PBX1: variants seen among roughly 807,000 people sequenced by gnomAD.
PBX1 encodes PBX homeobox 1.
PBX1 carries 6 observed loss-of-function variants against 53.4 expected under a neutral mutation model. That is an observed-to-expected ratio of 0.11 (90% CI 0.06 to 0.22). PBX1 has a LOEUF of 0.22. Ranked by LOEUF, PBX1 falls within the 10% of genes least tolerant of loss-of-function variation. The probability of loss-of-function intolerance (pLI) is 1.00; values close to 1 mark genes in which losing one functional copy is unlikely to be tolerated. For synonymous variants in PBX1, 204 were observed against 212.3 expected (o/e 0.96, Z 0.34); for missense variants, 251 against 551.4 (o/e 0.46, Z 5.46).
intron 2 of PBX1, among the ~76,000 whole-genome samples, chr1:164,724,740 G>A (rs1289689842): frequency 8.3e-6 from 1 of 120,498 alleles, no homozygotes; most frequent in Non-Finnish European, 1.6e-5. Flanking sequence ...CAAAATGAGG[G>A]GAAAGCAACT....
intron 2 of PBX1, among the ~76,000 whole-genome samples, chr1:164,721,010 A>T (rs1206775532): frequency 1.3e-5 from 2 of 152,176 alleles, no homozygotes; most frequent in Non-Finnish European, 2.9e-5. Flanking sequence ...GCATGTCAGG[A>T]TATCTTTGGT....
In PBX1 at chr1:164,851,606, C is replaced by T. The variant is rs896947437; in HGVS notation, c.*4930C>T. On this transcript the variant is annotated 3_prime_UTR_variant, in exon 9 of 9. Coordinates refer to ENST00000420696, the MANE Select transcript of PBX1 (RefSeq NM_002585.4). ...GTTTTATTCTCCCCCTACCCCTCCCCTTTTCTTATTATTCAGAATATAAAC... is the reference window on the plus strand; with the variant it reads ...GTTTTATTCTCCCCCTACCCCTCCCTTTTTCTTATTATTCAGAATATAAAC... 1.8e-4 allele frequency: 34 copies of T among 186,898 alleles called. No homozygotes were observed. The highest frequency in any genetic ancestry group is 3.5e-4 in the Non-Finnish European group (31 of 88,520). 11.6% of individuals were successfully genotyped at this position (186,898 alleles called of 1,614,324 possible).
intron 2 of PBX1, among the ~76,000 whole-genome samples, chr1:164,760,874 T>G (rs1036627269): frequency 6.6e-6 from 1 of 152,218 alleles, no homozygotes; most frequent in African/African-American, 2.4e-5. Context: ...ACCTCGGACA[T>G]TTCCCAATTA....
intron 5 of PBX1, among the ~76,000 whole-genome samples, chr1:164,809,925 C>T (rs1349111512): frequency 6.6e-6 from 1 of 152,220 alleles, no homozygotes; most frequent in African/African-American, 2.4e-5. Context: ...CACCCTAATT[C>T]TGAATCAGAA....
At chr1:164,833,614 T>C (rs1670876945) in intron 8 of PBX1, among the ~76,000 whole-genome samples, 1 of 152,198 alleles carries the variant, frequency 6.6e-6, no homozygotes, top group Non-Finnish European at 1.5e-5. Flanking sequence ...CACTTATCTT[T>C]CATTCCTCTC....
chr1:164,758,666 T>C (rs1284289957), intron 2 of PBX1, among the ~76,000 whole-genome samples: 3 of 151,980 alleles, frequency 2.0e-5, no homozygotes, highest in African/African-American at 7.2e-5. Context: ...TCTAAAAGTA[T>C]ACTTGGCCCC....
At chr1:164,789,655 C>G (rs1265800348) in intron 2 of PBX1, among the ~76,000 whole-genome samples, 1 of 152,128 alleles carries the variant, frequency 6.6e-6, no homozygotes, top group East Asian at 1.9e-4. Flanking sequence ...TTCTTTTTTG[C>G]TTTGCTGTTG....
At position 164,846,725 on chromosome 1, in the gene PBX1, G is replaced by A. The variant is rs769501548; in HGVS notation, c.*49G>A. 217 of 1,613,528 alleles carry A rather than the reference G, an allele frequency of 1.3e-4. No homozygotes were observed. The highest frequency in any genetic ancestry group is 5.1e-4 in the Middle Eastern group (3 of 5,938). On this transcript the variant is annotated 3_prime_UTR_variant, in exon 9 of 9. Coordinates refer to ENST00000420696, the MANE Select transcript of PBX1 (RefSeq NM_002585.4). ...TGACCCTGTGCCCCAGTTGGGGCAG[G>A]GGCAGGAGGGAGGGTTTCTCTCCCA...
Position 164,561,950 on chromosome 1 carries a change from C to CT in PBX1, c.192-1277dup, listed in dbSNP as rs1008861163. Among the ~76,000 whole-genome samples, 762 of 146,948 alleles carry CT rather than the reference C, an allele frequency of 5.2e-3. 5 individuals are homozygous for CT. Among genetic ancestry groups the CT allele is most frequent in the African/African-American group, 0.017 (702 of 40,418 alleles). On this transcript the variant is annotated intron_variant, in intron 1 of 8. Transcript: ENST00000420696. ...TTTAATACTTTAAAGTATTTTCCATCTTTTTTTTTTTCTACCCCACATGAG... is the reference window on the plus strand; with the variant it reads ...TTTAATACTTTAAAGTATTTTCCATCTTTTTTTTTTTTCTACCCCACATGAG...
Position 164,567,638 on chromosome 1 carries a change from G to C in PBX1, c.265+4327G>C, listed in dbSNP as rs560964366. Among the ~76,000 whole-genome samples the C allele has an allele frequency of 5.9e-5, 9 of 152,248 alleles. No individual in the cohort carries two copies. The East Asian group carries it at 1.5e-3, about 26-fold the overall frequency. ...GACCTACAACAATATAACTCTGACA[G>C]ACATAATATAAGAAGAACTTGTAAT... On this transcript the variant is annotated intron_variant, in intron 2 of 8. Transcript: ENST00000420696.
chr1:164,870,490 C>T (rs1416995815), intron 2 of PBX1, among the ~76,000 whole-genome samples: 3 of 151,786 alleles, frequency 2.0e-5, no homozygotes, highest in Non-Finnish European at 2.9e-5. Context: ...ATTACAGGCA[C>T]GTGCCACCAT....
chr1:164,691,937 T>A (rs1662512046), intron 2 of PBX1, among the ~76,000 whole-genome samples: 1 of 152,190 alleles, frequency 6.6e-6, no homozygotes, highest in Non-Finnish European at 1.5e-5. Context: ...ATCATTAAAG[T>A]GTTATATAAA....
chr1:164,647,789 A>G (rs1659548720), intron 2 of PBX1, among the ~76,000 whole-genome samples: 1 of 150,460 alleles, frequency 6.6e-6, no homozygotes, highest in Non-Finnish European at 1.5e-5. Flanking sequence ...GGTGCTGAGC[A>G]TCTGTATTTT....
At chr1:164,731,324 A>T (rs1664970013) in intron 2 of PBX1, among the ~76,000 whole-genome samples, 1 of 152,102 alleles carries the variant, frequency 6.6e-6, no homozygotes, top group African/African-American at 2.4e-5. Flanking sequence ...AAAAAAAAAA[A>T]AAAACTCTCT....
chr1:164,884,578 G>T, intron 2 of PBX1: 2 of 516,050 alleles, frequency 3.9e-6, no homozygotes, highest in East Asian at 8.4e-5. Context: ...TGGATGCTCT[G>T]GTGGTGACAG....
At chr1:164,735,532 A>C (rs1335222442) in intron 2 of PBX1, among the ~76,000 whole-genome samples, 1 of 152,184 alleles carries the variant, frequency 6.6e-6, no homozygotes, top group Non-Finnish European at 1.5e-5. Context: ...TTCTATACAG[A>C]TCGCTAGCTG....
chr1:164,678,181 A>G (rs1661550369), intron 2 of PBX1, among the ~76,000 whole-genome samples: 2 of 152,146 alleles, frequency 1.3e-5, no homozygotes, highest in South Asian at 2.1e-4. Context: ...CCATATGTTT[A>G]TATAGGATGA....
Position 164,561,884 on chromosome 1 carries a change from T to C in PBX1, c.192-1354T>C, listed in dbSNP as rs137941333. 2.8e-3 allele frequency among the ~76,000 whole-genome samples: 428 copies of C among 152,166 alleles called. 2 individuals are homozygous for C. Among genetic ancestry groups the C allele is most frequent in the African/African-American group, 9.7e-3 (401 of 41,530 alleles). ...TTGCATTTGGGCCTATATATAATAA[T>C]AGAATTAATTAAAACTATTTTAAAA... On this transcript the variant is annotated intron_variant, in intron 1 of 8. Transcript: ENST00000420696.
In PBX1 at chr1:164,575,385, A is replaced by G. The variant is rs1199103245; in HGVS notation, c.265+12074A>G. Among the ~76,000 whole-genome samples the G allele has an allele frequency of 5.9e-5, 9 of 152,338 alleles. 1 individual carries two copies. The East Asian group carries it at 1.5e-3, about 26-fold the overall frequency. The stretch of plus-strand genomic sequence containing the variant: ...CCCTAAGAAAGTGTGGTCAGTAAGT[A>G]TGAGAAAAAGTTTATATATTTGTCT... On this transcript the variant is annotated intron_variant, in intron 2 of 8. Coordinates refer to ENST00000420696, the MANE Select transcript of PBX1 (RefSeq NM_002585.4).
Sources: allele counts gnomAD v4.1 joint callset (sites outside exome capture counted in the v4.1 genomes callset), GRCh38; gene constraint gnomAD v4.1.1; transcripts MANE v1.5; gene names NCBI Gene and HGNC (gene_info 2026-07-23, HGNC 2026-07-21).